Variants in TMEM74 observed in about 807,000 individuals in gnomAD.
TMEM74 encodes transmembrane protein 74.
In TMEM74, 13 loss-of-function variants were observed where a neutral mutation model predicts 18.1. The observed-to-expected ratio is 0.72, with a 90% CI of 0.47 to 1.14. TMEM74 has a LOEUF of 1.14. Among genes scored for constraint, TMEM74 ranks in the 50% most tolerant of loss-of-function variants. TMEM74 has a pLI of 0.00. For missense variants in TMEM74, 372 were observed against 375.9 expected, an observed-to-expected ratio of 0.99 and a Z score of 0.09; for synonymous variants, 159 against 146.6, an observed-to-expected ratio of 1.08 and a Z score of -0.61.
intron 1 of TMEM74, among the ~76,000 whole-genome samples, chr8:108,682,882 C>T (rs61347564): frequency 0.018 from 2,739 of 151,842 alleles, 98 homozygotes; most frequent in African/African-American, 0.063. Context: ...TAATGAAATA[C>T]AATCTATAGC....
At chr8:108,732,320 T>C (rs1813703365) in intron 1 of TMEM74, among the ~76,000 whole-genome samples, 1 of 152,200 alleles carries the variant, frequency 6.6e-6, no homozygotes, top group African/African-American at 2.4e-5. Context: ...GTCCATTCTC[T>C]CCCCATTTAT....
intron 1 of TMEM74, among the ~76,000 whole-genome samples, chr8:108,665,776 T>C (rs372692673): frequency 1.3e-5 from 2 of 152,184 alleles, no homozygotes; most frequent in South Asian, 4.1e-4. Context: ...CAGTACTATT[T>C]TGGAGCGTCT....
chr8:108,612,313 T>C (rs1234873427), intron 2 of TMEM74, among the ~76,000 whole-genome samples: 1 of 152,170 alleles, frequency 6.6e-6, no homozygotes, highest in East Asian at 1.9e-4. Context: ...CTTAACATTA[T>C]TCTACTTCAA....
chr8:108,755,781 G>C (rs1813953581), intron 1 of TMEM74, among the ~76,000 whole-genome samples: 1 of 152,042 alleles, frequency 6.6e-6, no homozygotes, highest in Non-Finnish European at 1.5e-5. Context: ...AAGAGTCAGA[G>C]TAGAACAAAG....
intron 1 of TMEM74, among the ~76,000 whole-genome samples, chr8:108,659,591 G>A (rs1995112): frequency 6.6e-6 from 1 of 151,960 alleles, no homozygotes; most frequent in Non-Finnish European, 1.5e-5. Context: ...GTCTCTGGAC[G>A]AAACTCTTCT....
chr8:108,614,012 G>T (rs1812359881), intron 2 of TMEM74, among the ~76,000 whole-genome samples: 1 of 150,740 alleles, frequency 6.6e-6, no homozygotes, highest in Non-Finnish European at 1.5e-5. Context: ...TGAGAATATT[G>T]GGAGAAGTAC....
intron 1 of TMEM74, among the ~76,000 whole-genome samples, chr8:108,703,870 A>G (rs570603610): frequency 6.6e-6 from 1 of 152,226 alleles, no homozygotes; most frequent in Non-Finnish European, 1.5e-5. Context: ...TTCTGTACTC[A>G]TACCAAACTC....
chr8:108,730,696 G>A (rs1039929562), intron 1 of TMEM74, among the ~76,000 whole-genome samples: 1 of 148,072 alleles, frequency 6.8e-6, no homozygotes, highest in Non-Finnish European at 1.5e-5. Flanking sequence ...GCAGTGGAGC[G>A]ATCTCAGCTC....
intron 1 of TMEM74, among the ~76,000 whole-genome samples, chr8:108,660,624 C>CTGTT (rs1288935877): frequency 3.3e-5 from 5 of 152,144 alleles, no homozygotes; most frequent in African/African-American, 1.2e-4. Context: ...TAACGTGATA[C>CTGTT]TGTTTAAACC....
At chr8:108,634,170 A>C (rs765954006) in intron 2 of TMEM74, among the ~76,000 whole-genome samples, 1 of 151,928 alleles carries the variant, frequency 6.6e-6, no homozygotes, top group Non-Finnish European at 1.5e-5. Context: ...CATATGACTT[A>C]ACATTCTGGT....
intron 1 of TMEM74, among the ~76,000 whole-genome samples, chr8:108,669,218 C>A (rs1187082874): frequency 6.6e-6 from 1 of 152,102 alleles, no homozygotes; most frequent in African/African-American, 2.4e-5. Flanking sequence ...CTCCTTTCTG[C>A]CTGACTTCCT....
At chr8:108,648,443 C>T (rs886945915) in intron 2 of TMEM74, among the ~76,000 whole-genome samples, 6 of 152,056 alleles carry the variant, frequency 3.9e-5, no homozygotes, top group South Asian at 2.1e-4. Flanking sequence ...TTCACTACCC[C>T]GCAAAGATGT....
chr8:108,607,990 G>T (rs900213482), intron 3 of TMEM74, among the ~76,000 whole-genome samples: 1 of 152,040 alleles, frequency 6.6e-6, no homozygotes, highest in Admixed American at 6.6e-5. Flanking sequence ...TTTGAGTGAG[G>T]TTGCTGATGT....
intron 2 of TMEM74, among the ~76,000 whole-genome samples, chr8:108,646,435 G>A (rs943351737): frequency 6.6e-6 from 1 of 152,198 alleles, no homozygotes; most frequent in African/African-American, 2.4e-5. Flanking sequence ...TAAATGAATT[G>A]TGTCTTTGAG....
At chr8:108,663,590 C>T (rs1812921597) in intron 1 of TMEM74, among the ~76,000 whole-genome samples, 1 of 152,072 alleles carries the variant, frequency 6.6e-6, no homozygotes, top group African/African-American at 2.4e-5. Flanking sequence ...AACATTTGAC[C>T]CAGGATTCCC....
At chr8:108,737,033 C>T (rs941650010) in intron 1 of TMEM74, among the ~76,000 whole-genome samples, 1 of 152,104 alleles carries the variant, frequency 6.6e-6, no homozygotes, top group African/African-American at 2.4e-5. Context: ...AGAAAAGGAA[C>T]ACCAGCAATT....
Position 108,663,654 on chromosome 8 carries a change from G to A in TMEM74, n.120-8217C>T, listed in dbSNP as rs144032880. Among the ~76,000 whole-genome samples, 494 of 152,218 alleles carry A rather than the reference G, an allele frequency of 3.2e-3. 3 individuals carry two copies. Among genetic ancestry groups the A allele is most frequent in the African/African-American group, 0.012 (480 of 41,520 alleles). On this transcript the variant is annotated intron_variant and non_coding_transcript_variant, in intron 1 of 3. Transcript: ENST00000518838. ...AAATCATTCTATTATAAAGATACAT[G>A]CACGCATATGTTCATTGCAGCACTA...
At chr8:108,614,374 T>A (rs1000949598) in intron 2 of TMEM74, among the ~76,000 whole-genome samples, 10 of 152,298 alleles carry the variant, frequency 6.6e-5, no homozygotes, top group African/African-American at 2.4e-4. Context: ...ATTTGATATT[T>A]TTTAGCTTAA....
chr8:108,757,719 A>G (rs920314821), intron 1 of TMEM74, among the ~76,000 whole-genome samples: 2 of 152,052 alleles, frequency 1.3e-5, no homozygotes, highest in East Asian at 1.9e-4. Flanking sequence ...TAATGACACC[A>G]TAATTAATAA....
Sources: allele counts gnomAD v4.1 joint callset (sites outside exome capture counted in the v4.1 genomes callset), GRCh38; gene constraint gnomAD v4.1.1; transcripts MANE v1.5; gene names NCBI Gene and HGNC (gene_info 2026-07-23, HGNC 2026-07-21).